Variants in ATRNL1 observed in about 807,000 individuals in gnomAD.
ATRNL1 encodes the protein attractin-like protein 1.
Under a neutral mutation model 182.7 loss-of-function variants are expected in ATRNL1, and 95 were observed. The ratio of observed to expected loss-of-function variants is 0.52; its 90% CI spans 0.44 to 0.62. The LOEUF (loss-of-function observed/expected upper bound fraction) is 0.62. Among genes scored for constraint, ATRNL1 ranks in the 20% least tolerant of loss-of-function variants. The probability of loss-of-function intolerance (pLI) is 0.00; values close to 1 mark genes in which losing one functional copy is unlikely to be tolerated. For synonymous variants in ATRNL1, 576 were observed against 568.3 expected, an observed-to-expected ratio of 1.01 and a Z score of -0.19; for missense variants, 1,471 against 1,679.5, an observed-to-expected ratio of 0.88 and a Z score of 2.17.
chr10:115,241,538 C>T, intron 9 of ATRNL1, 33 bp from the exon 10 acceptor site: 1 of 1,489,614 alleles, frequency 6.7e-7, no homozygotes. Flanking sequence ...TCATTTTATC[C>T]TTTGTAATAC....
At chr10:115,228,250 T>C (rs943143018) in intron 9 of ATRNL1, among the ~76,000 whole-genome samples, 1 of 152,136 alleles carries the variant, frequency 6.6e-6, no homozygotes, top group African/African-American at 2.4e-5. Context: ...CCTTCAGGAG[T>C]AGTTGCATCT....
intron 8 of ATRNL1, among the ~76,000 whole-genome samples, chr10:115,203,516 G>A (rs1171494615): frequency 6.6e-6 from 1 of 151,508 alleles, no homozygotes; most frequent in Non-Finnish European, 1.5e-5. Context: ...CTCTTCTTGA[G>A]CGTTTAGTTT....
At chr10:115,167,821 A>G (rs1268213186) in intron 7 of ATRNL1, among the ~76,000 whole-genome samples, 3 of 152,002 alleles carry the variant, frequency 2.0e-5, no homozygotes, top group Admixed American at 2.0e-4. Flanking sequence ...TTGATATACC[A>G]TACATTTCAC....
chr10:115,436,299 C>A (rs1310425784), intron 21 of ATRNL1, among the ~76,000 whole-genome samples: 1 of 151,990 alleles, frequency 6.6e-6, no homozygotes, highest in Non-Finnish European at 1.5e-5. Flanking sequence ...CTGAATAGGT[C>A]ATGGCATATT....
intron 26 of ATRNL1, among the ~76,000 whole-genome samples, chr10:115,695,554 T>G (rs1555049526): frequency 2.0e-5 from 3 of 152,180 alleles, no homozygotes; most frequent in African/African-American, 7.2e-5. Flanking sequence ...TTGTATTGTA[T>G]TCTACATTCA....
intron 27 of ATRNL1, among the ~76,000 whole-genome samples, chr10:115,795,006 A>G (rs1949617125): frequency 1.3e-5 from 2 of 152,182 alleles, no homozygotes; most frequent in South Asian, 2.1e-4. Flanking sequence ...TCCTTTTGAA[A>G]AGTCTCTATA....
intron 27 of ATRNL1, among the ~76,000 whole-genome samples, chr10:115,844,489 A>G (rs148719636): frequency 4.0e-4 from 61 of 152,194 alleles, no homozygotes; most frequent in Non-Finnish European, 8.1e-4. Flanking sequence ...GAAAATCTTC[A>G]TGATTCTAGA....
intron 14 of ATRNL1, among the ~76,000 whole-genome samples, chr10:115,284,596 G>A (rs782536967): frequency 3.9e-5 from 6 of 152,138 alleles, no homozygotes; most frequent in African/African-American, 1.2e-4. Context: ...AACCGTGAAC[G>A]AACAGGAGTC....
At chr10:115,772,626 T>TGTGTGTGTGC (rs1949023353) in intron 27 of ATRNL1, among the ~76,000 whole-genome samples, 4 of 151,534 alleles carry the variant, frequency 2.6e-5, no homozygotes, top group Admixed American at 2.6e-4. Context: ...TGTGTGTGTG[T>TGTGTGTGTGC]GTGTGTATTA....
chr10:115,177,997 A>C (rs956048516), intron 8 of ATRNL1, among the ~76,000 whole-genome samples: 10 of 145,528 alleles, frequency 6.9e-5, no homozygotes, highest in African/African-American at 2.6e-4. Flanking sequence ...CAGCTCACTG[A>C]AGCCTCTGCC....
At chr10:115,505,280 AG>A (rs1268436760) in intron 24 of ATRNL1, among the ~76,000 whole-genome samples, 6 of 151,932 alleles carry the variant, frequency 3.9e-5, no homozygotes, top group East Asian at 1.9e-4. Context: ...ATCTTAGACT[AG>A]CATGGCATCC....
chr10:115,686,941 A>G (rs1946237721), intron 26 of ATRNL1, among the ~76,000 whole-genome samples: 1 of 152,050 alleles, frequency 6.6e-6, no homozygotes, highest in Non-Finnish European at 1.5e-5. Context: ...GTTTGGAGAT[A>G]AGTATACAGC....
chr10:115,795,060 C>T (rs1361699630), intron 27 of ATRNL1, among the ~76,000 whole-genome samples: 1 of 152,090 alleles, frequency 6.6e-6, no homozygotes, highest in Non-Finnish European at 1.5e-5. Context: ...ATATTCCAGT[C>T]TCATCTTGTA....
At chr10:115,913,351 C>G (rs1555116395) in intron 28 of ATRNL1, among the ~76,000 whole-genome samples, 1 of 152,130 alleles carries the variant, frequency 6.6e-6, no homozygotes, top group African/African-American at 2.4e-5. Context: ...TCACCCAGAC[C>G]CCTGCAGGGT....
chr10:115,884,655 A>G (rs1317526559), intron 28 of ATRNL1, among the ~76,000 whole-genome samples: 14 of 152,230 alleles, frequency 9.2e-5, no homozygotes, highest in Admixed American at 9.2e-4. Context: ...ATGATTTCAT[A>G]TTTAAATGCA....
intron 28 of ATRNL1, among the ~76,000 whole-genome samples, chr10:115,869,224 A>G (rs568262580): frequency 1.3e-3 from 191 of 152,276 alleles, no homozygotes; most frequent in Non-Finnish European, 2.2e-3. Context: ...AGGCATTACA[A>G]AATCTGCAAA....
chr10:115,683,495 G>A (rs183182810), intron 26 of ATRNL1, among the ~76,000 whole-genome samples: 1 of 144,946 alleles, frequency 6.9e-6, no homozygotes, highest in Non-Finnish European at 1.5e-5. Context: ...TATGCTTTCT[G>A]TGTTGATAGA....
intron 19 of ATRNL1, among the ~76,000 whole-genome samples, chr10:115,372,833 C>T (rs1461079336): frequency 6.6e-6 from 1 of 152,030 alleles, no homozygotes; most frequent in Admixed American, 6.6e-5. Flanking sequence ...TCTTTTTGCT[C>T]ATTATTGCTA....
chr10:115,277,974 T>C (rs1250574957), intron 13 of ATRNL1, among the ~76,000 whole-genome samples: 1 of 152,206 alleles, frequency 6.6e-6, no homozygotes, highest in Admixed American at 6.5e-5. Context: ...TTATTTAGTG[T>C]CTGTGGAAGT....
Sources: gnomAD v4.1 joint callset for allele counts (sites outside exome capture counted in the v4.1 genomes callset) on GRCh38, gnomAD v4.1.1 for gene constraint, MANE v1.5 for transcripts, NCBI Gene and HGNC (gene_info 2026-07-23, HGNC 2026-07-21) for gene names.